Variants in PTPRG observed in about 807,000 individuals in gnomAD.
The protein encoded by PTPRG is receptor-type tyrosine-protein phosphatase gamma.
A neutral mutation model predicts 165.3 loss-of-function variants in PTPRG; 102 were observed. That is an observed-to-expected ratio of 0.62 (90% CI 0.53 to 0.73). The LOEUF (loss-of-function observed/expected upper bound fraction) is 0.73. Ranked by LOEUF, PTPRG falls within the 30% of genes least tolerant of loss-of-function variation. The pLI, the probability that PTPRG is intolerant of heterozygous loss-of-function variation, is 0.00. For synonymous variants in PTPRG, 675 were observed against 669.5 expected, an observed-to-expected ratio of 1.01 and a Z score of -0.13; for missense variants, 1,866 against 1,861.4, an observed-to-expected ratio of 1.00 and a Z score of -0.05.
chr3:61,574,524 A>G (rs1700133212), intron 1 of PTPRG, among the ~76,000 whole-genome samples: 1 of 152,118 alleles, frequency 6.6e-6, no homozygotes, highest in Non-Finnish European at 1.5e-5. Flanking sequence ...TTACGAGTGG[A>G]GGGTGCAGAA....
intron 2 of PTPRG, among the ~76,000 whole-genome samples, chr3:61,858,256 G>A (rs1187286273): frequency 6.6e-6 from 1 of 152,112 alleles, no homozygotes; most frequent in Admixed American, 6.6e-5. Flanking sequence ...AACAATAGGT[G>A]GCACACTACT....
intron 2 of PTPRG, among the ~76,000 whole-genome samples, chr3:61,776,508 G>A (rs967806536): frequency 6.6e-6 from 1 of 152,120 alleles, no homozygotes; most frequent in Admixed American, 6.6e-5. Flanking sequence ...CTCTTGGTCA[G>A]ACCAGTTCCC....
chr3:61,928,558 T>C (rs2039282983), intron 2 of PTPRG, among the ~76,000 whole-genome samples: 1 of 152,202 alleles, frequency 6.6e-6, no homozygotes, highest in African/African-American at 2.4e-5. Flanking sequence ...TTCTGGAACA[T>C]GTTGCTGAAG....
chr3:61,661,847 A>G (rs1370297782), intron 1 of PTPRG, among the ~76,000 whole-genome samples: 1 of 152,214 alleles, frequency 6.6e-6, no homozygotes, highest in African/African-American at 2.4e-5. Context: ...ACAAATACTT[A>G]CCTGTCAAGA....
chr3:61,600,159 CAA>C (rs376881197), intron 1 of PTPRG, among the ~76,000 whole-genome samples: 9,607 of 112,558 alleles, frequency 0.085, 417 homozygotes, highest in East Asian at 0.14. Flanking sequence ...GACATTGTCT[CAA>C]AAAAAAAAAA....
At chr3:61,975,427 GT>G (rs1200560479) in intron 2 of PTPRG, among the ~76,000 whole-genome samples, 1 of 152,174 alleles carries the variant, frequency 6.6e-6, no homozygotes, top group Non-Finnish European at 1.5e-5. Flanking sequence ...TCTCAAAACA[GT>G]TTCCTTGACC....
intron 5 of PTPRG, among the ~76,000 whole-genome samples, chr3:62,126,771 A>G (rs1328369157): frequency 6.6e-6 from 1 of 152,264 alleles, no homozygotes; most frequent in East Asian, 1.9e-4. Context: ...GAAAAGTCCT[A>G]CAGGTTTACA....
intron 1 of PTPRG, among the ~76,000 whole-genome samples, chr3:61,678,681 T>C (rs1703322188): frequency 6.6e-6 from 1 of 152,050 alleles, no homozygotes; most frequent in Admixed American, 6.5e-5. Flanking sequence ...ATCTCACATT[T>C]CTAGAAAAAC....
At chr3:61,973,182 G>A (rs557381778) in intron 2 of PTPRG, among the ~76,000 whole-genome samples, 12 of 152,272 alleles carry the variant, frequency 7.9e-5, no homozygotes, top group Admixed American at 2.6e-4. Context: ...TTCTGAAAAC[G>A]GTTATTTTAT....
chr3:61,565,140 G>A (rs374204960), intron 1 of PTPRG, among the ~76,000 whole-genome samples: 11 of 152,310 alleles, frequency 7.2e-5, no homozygotes, highest in South Asian at 2.1e-4. Flanking sequence ...ATATGGGTTA[G>A]CTGTAGTTTG....
chr3:61,649,752 C>G (rs541224334), intron 1 of PTPRG, among the ~76,000 whole-genome samples: 50 of 152,312 alleles, frequency 3.3e-4, no homozygotes, highest in African/African-American at 1.2e-3. Flanking sequence ...ATTGGCTCCT[C>G]TTAGAAATAG....
intron 1 of PTPRG, among the ~76,000 whole-genome samples, chr3:61,682,274 TCTA>T (rs1040087004): frequency 3.3e-4 from 50 of 152,290 alleles, no homozygotes; most frequent in African/African-American, 1.2e-3. Context: ...ATTTGATAAT[TCTA>T]CTATGATTAT....
chr3:61,848,682 TC>T (rs1188850520), intron 2 of PTPRG, among the ~76,000 whole-genome samples: 1 of 152,198 alleles, frequency 6.6e-6, no homozygotes, highest in East Asian at 1.9e-4. Flanking sequence ...GACTTGCTCT[TC>T]CCTAAATTGC....
At position 62,196,189 on chromosome 3, in the gene PTPRG, C is replaced by T. The variant is rs186857266; in HGVS notation, c.1327+1019C>T. On this transcript the variant is annotated intron_variant, in intron 10 of 29. Coordinates refer to ENST00000474889, the MANE Select transcript of PTPRG (RefSeq NM_002841.4). ...AGGTGGGTAGATCAGGAGATCAGTT[C>T]GAGACCAGCCTGGCCAACATGGTGA... 9.1e-3 allele frequency among the ~76,000 whole-genome samples: 1,374 copies of T among 151,488 alleles called. 8 individuals carry two copies. Among genetic ancestry groups the T allele is most frequent in the Middle Eastern group, 0.027 (8 of 294 alleles).
At chr3:62,276,086 T>C in intron 24 of PTPRG, 120 bp downstream of exon 24, 1 of 607,880 alleles carries the variant, frequency 1.6e-6, no homozygotes, top group Non-Finnish European at 2.7e-6. Context: ...CGTGGCCGTA[T>C]GGTAGAAGGT....
chr3:61,668,727 C>T (rs1702880972), intron 1 of PTPRG, among the ~76,000 whole-genome samples: 1 of 152,078 alleles, frequency 6.6e-6, no homozygotes, highest in Non-Finnish European at 1.5e-5. Context: ...AACATGTAGA[C>T]ACTTCCTGAA....
chr3:62,277,793 A>C, intron 26 of PTPRG, 114 bp downstream of exon 26: 1 of 1,305,938 alleles, frequency 7.7e-7, no homozygotes, highest in Non-Finnish European at 1.0e-6. Context: ...AGGGAATTTA[A>C]AATTTTTAAA....
At chr3:61,721,468 T>A (rs1008780394) in intron 1 of PTPRG, among the ~76,000 whole-genome samples, 12 of 152,318 alleles carry the variant, frequency 7.9e-5, no homozygotes, top group African/African-American at 2.4e-4. Context: ...ATGGTAGAGA[T>A]GTGTCTAGAG....
At chr3:61,832,400 C>T (rs1227738728) in intron 2 of PTPRG, among the ~76,000 whole-genome samples, 1 of 152,178 alleles carries the variant, frequency 6.6e-6, no homozygotes, top group Non-Finnish European at 1.5e-5. Flanking sequence ...GTACTGTGAT[C>T]ATCTTCAGAA....
Sources: allele counts gnomAD v4.1 joint callset (sites outside exome capture counted in the v4.1 genomes callset), GRCh38; gene constraint gnomAD v4.1.1; transcripts MANE v1.5; gene names NCBI Gene and HGNC (gene_info 2026-07-23, HGNC 2026-07-21).